Variants in PTPRN2 observed in about 807,000 individuals in gnomAD.
The protein encoded by PTPRN2 is protein tyrosine phosphatase receptor type N2.
PTPRN2 carries 74 observed loss-of-function variants against 118.8 expected under a neutral mutation model. The ratio of observed to expected loss-of-function variants is 0.62; its 90% CI spans 0.52 to 0.76. The LOEUF (loss-of-function observed/expected upper bound fraction) is 0.76, where lower values mean the gene tolerates loss of function less well. PTPRN2 is among the 30% of genes least tolerant of loss of function. The probability of loss-of-function intolerance (pLI) is 0.00; values close to 1 mark genes in which losing one functional copy is unlikely to be tolerated. For missense variants in PTPRN2, 1,481 were observed against 1,394.4 expected, an observed-to-expected ratio of 1.06 and a Z score of -0.99; for synonymous variants, 641 against 608.0, an observed-to-expected ratio of 1.05 and a Z score of -0.80.
chr7:158,307,976 C>CT (rs1348725845), intron 3 of PTPRN2, among the ~76,000 whole-genome samples: 1 of 152,182 alleles, frequency 6.6e-6, no homozygotes, highest in Non-Finnish European at 1.5e-5. Flanking sequence ...CCTCAGGACT[C>CT]TGCAGAGAGT....
chr7:157,824,492 A>G (rs1807047376), intron 12 of PTPRN2, among the ~76,000 whole-genome samples: 1 of 152,208 alleles, frequency 6.6e-6, no homozygotes, highest in African/African-American at 2.4e-5. Context: ...GCATGGCGTG[A>G]GGTGTGTCAC....
chr7:157,986,016 T>A lies in PTPRN2; in HGVS notation c.1724-87279A>T, dbSNP rs187105526. ...ATGCTTGGGGTTGAAATGTAACGAA[T>A]CTCTCACTACTGACAAGAGAAAGGC... On this transcript the variant is annotated intron_variant, in intron 11 of 22. Coordinates refer to ENST00000389418, the MANE Select transcript of PTPRN2 (RefSeq NM_002847.5). This position sits in a 1 kb window ranked among gnomAD's most constrained non-coding sequence, Gnocchi z 4.5. Among the ~76,000 whole-genome samples the A allele has an allele frequency of 2.4e-4, 37 of 152,260 alleles. No individual in the cohort carries two copies. The highest frequency in any genetic ancestry group is 8.7e-4 in the African/African-American group (36 of 41,536).
intron 2 of PTPRN2, among the ~76,000 whole-genome samples, chr7:158,348,744 C>G (rs186406050): frequency 2.0e-5 from 3 of 152,194 alleles, no homozygotes; most frequent in Admixed American, 1.3e-4. Flanking sequence ...GTCTCCTGCC[C>G]CAACAAGGTG....
chr7:157,666,834 C>T (rs1796159110), intron 13 of PTPRN2, among the ~76,000 whole-genome samples: 1 of 152,250 alleles, frequency 6.6e-6, no homozygotes, highest in South Asian at 2.1e-4. Flanking sequence ...GCAACAAGTA[C>T]ACAGCCTGAC....
At chr7:157,791,569 C>T (rs1024055082) in intron 12 of PTPRN2, among the ~76,000 whole-genome samples, 20 of 146,188 alleles carry the variant, frequency 1.4e-4, no homozygotes, top group Non-Finnish European at 1.8e-4. Flanking sequence ...CCTCCCTGCA[C>T]CCGCCCCCCC....
intron 12 of PTPRN2, among the ~76,000 whole-genome samples, chr7:157,756,262 T>A (rs974811743): frequency 1.3e-5 from 2 of 151,758 alleles, no homozygotes; most frequent in African/African-American, 2.4e-5. Context: ...CTGTAATTTA[T>A]TATCTGGGTA....
Position 158,290,505 on chromosome 7 carries a change from T to C in PTPRN2, c.277+26314A>G, listed in dbSNP as rs376003383. On this transcript the variant is annotated intron_variant, in intron 3 of 22. Transcript: ENST00000389418. ...TGGGCCTGCATGATCCTACCTGGTA[T>C]TGGGGCAGGCCTGAAGCCTCCGTCC... 5.9e-5 allele frequency among the ~76,000 whole-genome samples: 9 copies of C among 152,202 alleles called. 1 individual carries two copies. The South Asian group carries it at 1.9e-3, about 32-fold the overall frequency.
intron 12 of PTPRN2, among the ~76,000 whole-genome samples, chr7:157,842,492 G>A (rs1045196153): frequency 5.7e-5 from 8 of 139,256 alleles, no homozygotes; most frequent in South Asian, 2.4e-4. Flanking sequence ...TTGGCTCACC[G>A]CAACCTCCAC....
At chr7:157,896,078 G>A (rs1797095589) in intron 12 of PTPRN2, among the ~76,000 whole-genome samples, 1 of 151,840 alleles carries the variant, frequency 6.6e-6, no homozygotes, top group Non-Finnish European at 1.5e-5. Flanking sequence ...GTGCCCAGGG[G>A]AGGACGGGAG....
At chr7:157,935,767 C>T (rs565905348) in intron 11 of PTPRN2, among the ~76,000 whole-genome samples, 10 of 152,298 alleles carry the variant, frequency 6.6e-5, no homozygotes, top group South Asian at 2.1e-4. Flanking sequence ...TGGGAGGCAT[C>T]GGCATCTGTG....
chr7:157,940,377 T>A (rs796367517), intron 11 of PTPRN2, among the ~76,000 whole-genome samples: 1 of 152,166 alleles, frequency 6.6e-6, no homozygotes, highest in African/African-American at 2.4e-5. Context: ...CTCTGTGACA[T>A]TGAAATACTG....
intron 12 of PTPRN2, among the ~76,000 whole-genome samples, chr7:157,712,168 A>G (rs1299639807): frequency 6.6e-6 from 1 of 152,120 alleles, no homozygotes; most frequent in African/African-American, 2.4e-5. Flanking sequence ...AGGGGAGAGC[A>G]CACAGGTACT....
intron 3 of PTPRN2, among the ~76,000 whole-genome samples, chr7:158,304,869 G>A (rs1801168147): frequency 6.6e-6 from 1 of 152,212 alleles, no homozygotes; most frequent in Non-Finnish European, 1.5e-5. Context: ...CTTGGATCAG[G>A]GAAAAGACCT....
rs781338031 is a variant in PTPRN2 at position 158,541,764 on chromosome 7, C to T, written c.112+45794G>A. 313 of 1,190,428 alleles carry T rather than the reference C, an allele frequency of 2.6e-4. 1 individual carries two copies. The highest frequency in any genetic ancestry group is 4.2e-4 in the South Asian group (27 of 63,658). 73.7% of individuals were successfully genotyped at this position (1,190,428 alleles called of 1,614,324 possible). ...GCTCAGAACCCAAAAGGGCTGCGGA[C>T]GCATAAAAGGGGAAGTATCAGAGGA... On this transcript the variant is annotated intron_variant, in intron 1 of 22. Coordinates refer to ENST00000389418, the MANE Select transcript of PTPRN2 (RefSeq NM_002847.5).
intron 6 of PTPRN2, among the ~76,000 whole-genome samples, chr7:158,165,699 C>T (rs1268213599): frequency 6.6e-6 from 1 of 152,214 alleles, no homozygotes; most frequent in African/African-American, 2.4e-5. Flanking sequence ...TTTGTTATCT[C>T]CAAAAGGGAA....
At chr7:157,833,857 G>A (rs917678401) in intron 12 of PTPRN2, among the ~76,000 whole-genome samples, 1 of 152,202 alleles carries the variant, frequency 6.6e-6, no homozygotes, top group African/African-American at 2.4e-5. Context: ...CAGCATTGTG[G>A]CTTTCTGAGT....
At chr7:158,518,384 C>T (rs933164800) in intron 1 of PTPRN2, among the ~76,000 whole-genome samples, 3 of 152,042 alleles carry the variant, frequency 2.0e-5, no homozygotes, top group Admixed American at 6.5e-5. Context: ...GATATGAACA[C>T]ACAGGGACAT....
rs192139641 is a variant in PTPRN2 at position 157,773,196 on chromosome 7, C to T, written c.1789-90259G>A. On this transcript the variant is annotated intron_variant, in intron 12 of 22. Transcript: ENST00000389418. ...GACGGAGGCAGGGGTCCTCCACCTCCGCTTTTCTGACCCCTCTCTCTTCAG... is the reference window on the plus strand; with the variant it reads ...GACGGAGGCAGGGGTCCTCCACCTCTGCTTTTCTGACCCCTCTCTCTTCAG... Among the ~76,000 whole-genome samples the T allele has an allele frequency of 6.8e-4, 103 of 152,318 alleles. 1 individual carries two copies. The highest frequency in any genetic ancestry group is 2.3e-3 in the African/African-American group (95 of 41,572).
chr7:157,983,651 C>T (rs1290213386), intron 11 of PTPRN2, among the ~76,000 whole-genome samples: 1 of 152,184 alleles, frequency 6.6e-6, no homozygotes, highest in African/African-American at 2.4e-5. Flanking sequence ...TGCCTGCATG[C>T]CCCGGAGGAG....
Sources: allele counts gnomAD v4.1 joint callset (sites outside exome capture counted in the v4.1 genomes callset), GRCh38; gene constraint gnomAD v4.1.1; non-coding constraint Gnocchi (gnomAD v3.1); transcripts MANE v1.5; gene names NCBI Gene and HGNC (gene_info 2026-07-23, HGNC 2026-07-21).